CCDC88C: variants seen among roughly 807,000 people sequenced by gnomAD.
CCDC88C encodes coiled-coil and HOOK domain protein 88C.
CCDC88C carries 131 observed loss-of-function variants against 198.8 expected under a neutral mutation model. The ratio of observed to expected loss-of-function variants is 0.66; its 90% CI spans 0.57 to 0.76. The LOEUF is 0.76. Among genes scored for constraint, CCDC88C ranks in the 30% least tolerant of loss-of-function variants. The probability of loss-of-function intolerance (pLI) is 0.00; values close to 1 mark genes in which losing one functional copy is unlikely to be tolerated. For missense variants in CCDC88C, 2,553 were observed against 2,631.6 expected, an observed-to-expected ratio of 0.97 and a Z score of 0.65; for synonymous variants, 1,166 against 1,114.7, an observed-to-expected ratio of 1.05 and a Z score of -0.92.
At chr14:91,291,900 C>G (rs1237485752) in intron 23 of CCDC88C, among the ~76,000 whole-genome samples, 1 of 152,230 alleles carries the variant, frequency 6.6e-6, no homozygotes, top group Non-Finnish European at 1.5e-5. Context: ...AAACAGAAAG[C>G]TTCTGTTTGC....
chr14:91,277,889 G>A (rs17796691), intron 29 of CCDC88C, 33 bp downstream of exon 29: 2 of 1,460,028 alleles, frequency 1.4e-6, no homozygotes, highest in Admixed American at 5.1e-5. Context: ...AGAGGGAAGA[G>A]AGACGGGCCA....
intron 1 of CCDC88C, 58 bp from the exon 2 acceptor site, chr14:91,416,896 T>C (rs1887090116): frequency 3.3e-6 from 4 of 1,222,076 alleles, no homozygotes; most frequent in Non-Finnish European, 2.4e-6. Context: ...GCACAAACGG[T>C]CCAAAGCTCT....
intron 3 of CCDC88C, among the ~76,000 whole-genome samples, chr14:91,377,641 G>A (rs984655598): frequency 1.3e-5 from 2 of 152,170 alleles, no homozygotes; most frequent in African/African-American, 4.8e-5. Context: ...AACCATGGTG[G>A]GGAGGGTTAC....
chr14:91,355,495 C>T (rs980562150), intron 4 of CCDC88C, among the ~76,000 whole-genome samples: 1 of 152,182 alleles, frequency 6.6e-6, no homozygotes, highest in African/African-American at 2.4e-5. Context: ...CCCTCCCCTC[C>T]CCGGGGGCGT....
chr14:91,358,205 A>C (rs1190324427), intron 4 of CCDC88C, among the ~76,000 whole-genome samples: 1 of 152,182 alleles, frequency 6.6e-6, no homozygotes, highest in Non-Finnish European at 1.5e-5. Context: ...CTGGTTACTC[A>C]GTGAACTCTT....
rs116382917 is a variant in CCDC88C at position 91,325,755 on chromosome 14, G to A, written c.1197+155C>T. Among the ~76,000 whole-genome samples, 29 of 152,142 alleles carry A rather than the reference G, an allele frequency of 1.9e-4. No individual in the cohort carries two copies. The highest frequency in any genetic ancestry group is 6.5e-4 in the African/African-American group (27 of 41,500). On this transcript the variant is annotated intron_variant, in intron 11 of 29. Transcript: ENST00000389857. The surrounding 1 kb of genome is among the most constrained non-coding windows in gnomAD (Gnocchi z 4.1). ...CACCATGCCCAATTATTTAGTTTTCGTAGAGATGGGGCCTCGCTAGGTTGC... is the reference window on the plus strand; with the variant it reads ...CACCATGCCCAATTATTTAGTTTTCATAGAGATGGGGCCTCGCTAGGTTGC...
chr14:91,317,465 C>T (rs1892149700), intron 13 of CCDC88C, among the ~76,000 whole-genome samples: 1 of 152,228 alleles, frequency 6.6e-6, no homozygotes, highest in African/African-American at 2.4e-5. Flanking sequence ...CACAGCCTGC[C>T]TCCTGCTGGT....
intron 3 of CCDC88C, among the ~76,000 whole-genome samples, chr14:91,401,257 A>ATATATACATTATATATATTATATAT (rs1163147115): frequency 0.01 from 1,469 of 144,572 alleles, 34 homozygotes; most frequent in African/African-American, 0.034. Flanking sequence ...ATATTATATA[A>ATATATACATTATATATATTATATAT]TATATACATT....
intron 3 of CCDC88C, among the ~76,000 whole-genome samples, chr14:91,404,285 C>T (rs1484439931): frequency 6.6e-5 from 10 of 152,224 alleles, no homozygotes; most frequent in Non-Finnish European, 1.5e-4. Context: ...CTCTCCTTCC[C>T]CTCCTCCAGT....
chr14:91,416,410 T>A (rs2140026714), intron 2 of CCDC88C, among the ~76,000 whole-genome samples: 1 of 152,278 alleles, frequency 6.6e-6, no homozygotes, highest in East Asian at 1.9e-4. Flanking sequence ...TTCCTTGCCC[T>A]CCAAAAGGGG....
chr14:91,319,679 G>A (rs980633014), intron 13 of CCDC88C, among the ~76,000 whole-genome samples: 18 of 152,066 alleles, frequency 1.2e-4, no homozygotes, highest in African/African-American at 3.6e-4. Context: ...ACTATGTGCC[G>A]AATCCGTCAC....
chr14:91,345,188 ATATTTTT>A (rs1366312088), intron 4 of CCDC88C, among the ~76,000 whole-genome samples: 5 of 64,080 alleles, frequency 7.8e-5, no homozygotes, highest in African/African-American at 3.0e-4. Context: ...ATATATATAT[ATATTTTT>A]TTTTTTTTTT....
At chr14:91,406,128 C>A (rs1376108860) in intron 3 of CCDC88C, among the ~76,000 whole-genome samples, 2 of 152,154 alleles carry the variant, frequency 1.3e-5, no homozygotes. Flanking sequence ...TGCACAGTAC[C>A]CCAAGAACAG....
chr14:91,376,014 G>A (rs1490577323), intron 3 of CCDC88C, among the ~76,000 whole-genome samples: 1 of 152,190 alleles, frequency 6.6e-6, no homozygotes, highest in Non-Finnish European at 1.5e-5. Context: ...CGAGTTCACA[G>A]GAGAAGAGGC....
chr14:91,322,887 A>G (rs916560294), intron 12 of CCDC88C, among the ~76,000 whole-genome samples: 3 of 150,688 alleles, frequency 2.0e-5, no homozygotes, highest in Non-Finnish European at 4.4e-5. Flanking sequence ...GTTTACTACT[A>G]AAACGCCAGT....
intron 3 of CCDC88C, among the ~76,000 whole-genome samples, chr14:91,401,268 A>G (rs568327149): frequency 6.9e-6 from 1 of 144,736 alleles, no homozygotes; most frequent in Non-Finnish European, 1.5e-5. Context: ...TATATACATT[A>G]TATATATTAT....
intron 3 of CCDC88C, among the ~76,000 whole-genome samples, chr14:91,395,227 C>T (rs1885774175): frequency 6.6e-6 from 1 of 152,134 alleles, no homozygotes; most frequent in Non-Finnish European, 1.5e-5. Flanking sequence ...TCCCAAGACC[C>T]CTACCTGCAA....
intron 3 of CCDC88C, among the ~76,000 whole-genome samples, chr14:91,406,838 A>C (rs1434979707): frequency 1.3e-5 from 2 of 152,216 alleles, no homozygotes; most frequent in African/African-American, 4.8e-5. Context: ...CCTATAGCAT[A>C]CACCATGCTG....
intron 17 of CCDC88C, 63 bp downstream of exon 17, chr14:91,308,288 G>A (rs982453735): frequency 1.3e-6 from 2 of 1,594,482 alleles, no homozygotes; most frequent in South Asian, 1.1e-5. Flanking sequence ...TACAGGTGAG[G>A]GGCTGGAAAG....
Sources: allele counts gnomAD v4.1 joint callset (sites outside exome capture counted in the v4.1 genomes callset), GRCh38; gene constraint gnomAD v4.1.1; non-coding constraint Gnocchi (gnomAD v3.1); transcripts MANE v1.5; gene names NCBI Gene and HGNC (gene_info 2026-07-23, HGNC 2026-07-21).